Variants in FXN observed in about 807,000 individuals in gnomAD.
The protein encoded by FXN is frataxin, mitochondrial.
Under a neutral mutation model 22.4 loss-of-function variants are expected in FXN, and 14 were observed. That is an observed-to-expected ratio of 0.62 (90% confidence interval 0.41 to 0.98). FXN has a LOEUF of 0.98. FXN is among the 50% of genes least tolerant of loss of function. The pLI, the probability that FXN is intolerant of heterozygous loss-of-function variation, is 0.00. For synonymous variants in FXN, 120 were observed against 114.1 expected (o/e 1.05, Z -0.33); for missense variants, 267 against 268.4 (o/e 0.99, Z 0.04).
chr9:69,072,769 G>A lies in FXN; in HGVS notation c.*7G>A, dbSNP rs1365366360. 47 of 1,613,974 alleles carry A rather than the reference G, an allele frequency of 2.9e-5. No homozygotes were observed. The highest frequency in any genetic ancestry group is 3.6e-5 in the Non-Finnish European group (43 of 1,180,032). On this transcript the variant is annotated 3_prime_UTR_variant, in exon 5 of 5. Transcript: ENST00000484259. Reference sequence around the variant, plus strand: ...TTCCGGAAAAGATGCTTGATGCCCAGCCCCGTTTTAAGGACATTAAAAGCT... The same window carrying A: ...TTCCGGAAAAGATGCTTGATGCCCAACCCCGTTTTAAGGACATTAAAAGCT...
intron 3 of FXN, among the ~76,000 whole-genome samples, chr9:69,058,257 A>C (rs898355190): frequency 6.6e-6 from 1 of 152,142 alleles, no homozygotes; most frequent in Non-Finnish European, 1.5e-5. Flanking sequence ...GGCACTGGTC[A>C]TTACAGAAGA....
intron 3 of FXN, among the ~76,000 whole-genome samples, chr9:69,055,496 C>CT (rs780057588): frequency 0.05 from 7,023 of 140,490 alleles, 291 homozygotes; most frequent in African/African-American, 0.12. Context: ...TCTTCTTCTT[C>CT]TTTTTTTTTT....
intron 3 of FXN, among the ~76,000 whole-genome samples, chr9:69,057,310 G>A (rs1162273949): frequency 2.6e-5 from 4 of 152,252 alleles, no homozygotes; most frequent in East Asian, 1.9e-4. Flanking sequence ...TGAACCAGGC[G>A]ACAAAACCTT....
At chr9:69,037,781 T>G (rs1049881076) in intron 1 of FXN, among the ~76,000 whole-genome samples, 3 of 152,194 alleles carry the variant, frequency 2.0e-5, no homozygotes, top group Admixed American at 1.3e-4. Flanking sequence ...CAAGTGATTC[T>G]CCTGCCTCAG....
At chr9:69,059,457 TGGCAC>T (rs1405513511) in intron 3 of FXN, among the ~76,000 whole-genome samples, 2 of 131,566 alleles carry the variant, frequency 1.5e-5, no homozygotes, top group Non-Finnish European at 3.1e-5. Context: ...TGGAGTGCAG[TGGCAC>T]GATCTCAGCT....
intron 3 of FXN, among the ~76,000 whole-genome samples, chr9:69,054,530 G>T (rs1219182867): frequency 6.6e-6 from 1 of 151,880 alleles, no homozygotes; most frequent in Non-Finnish European, 1.5e-5. Context: ...TTTGTTTTTT[G>T]AGACAGAGTC....
In FXN at chr9:69,075,488, T is replaced by G; in HGVS notation, c.*2726T>G. On this transcript the variant is annotated 3_prime_UTR_variant, in exon 5 of 5. Transcript: ENST00000484259. ...TAAATAAATAAATAAATAAAGGGAC[T>G]TCAAACACATGAACAGCAGCCAGGG... 1 of 974,436 alleles carries G rather than the reference T, an allele frequency of 1.0e-6. No homozygotes were observed. Among genetic ancestry groups the G allele is most frequent in the Non-Finnish European group, 1.2e-6 (1 of 825,804 alleles). The allele number at this position is 974,436 out of a possible 1,614,324, so 60.4% of individuals were successfully genotyped here.
chr9:69,038,298 CT>C lies in FXN; in HGVS notation c.165+2352del, dbSNP rs1831598763. On this transcript the variant is annotated intron_variant, in intron 1 of 4. Coordinates refer to ENST00000484259, the MANE Select transcript of FXN (RefSeq NM_000144.5). The stretch of plus-strand genomic sequence containing the variant: ...GTCCTGGATTGACCCTAAGCTCCCC[CT>C]GGTCTCCAAAATTCATCAGAAACTG... 2.0e-5 allele frequency among the ~76,000 whole-genome samples: 3 copies of C among 152,310 alleles called. 1 individual carries two copies. Among genetic ancestry groups the C allele is most frequent in the South Asian group, 4.1e-4 (2 of 4,824 alleles).
At chr9:69,049,535 T>G (rs759106727) in intron 2 of FXN, among the ~76,000 whole-genome samples, 23 of 152,150 alleles carry the variant, frequency 1.5e-4, no homozygotes, top group Non-Finnish European at 2.8e-4. Flanking sequence ...CCTGGAAACT[T>G]TCAGATAGTG....
chr9:69,048,354 T>G (rs1831796523), intron 2 of FXN, among the ~76,000 whole-genome samples: 1 of 152,136 alleles, frequency 6.6e-6, no homozygotes, highest in South Asian at 2.1e-4. Context: ...CCTGTCATCC[T>G]AGCTCTTTGG....
At chr9:69,068,535 C>T (rs567861737) in intron 4 of FXN, among the ~76,000 whole-genome samples, 1 of 152,352 alleles carries the variant, frequency 6.6e-6, no homozygotes, top group South Asian at 2.1e-4. Flanking sequence ...CTGGCCGCCA[C>T]GACATGCCAA....
chr9:69,063,621 C>G (rs1832115391), intron 3 of FXN, among the ~76,000 whole-genome samples: 1 of 152,086 alleles, frequency 6.6e-6, no homozygotes. Context: ...CCATTCCTAT[C>G]AGTTATATTA....
chr9:69,042,798 G>A (rs902007361), intron 1 of FXN, among the ~76,000 whole-genome samples: 7 of 152,146 alleles, frequency 4.6e-5, no homozygotes, highest in African/African-American at 1.7e-4. Context: ...TCCCTGAGGT[G>A]AGCCCCACAT....
chr9:69,052,023 T>A (rs765624130), intron 2 of FXN, among the ~76,000 whole-genome samples: 4 of 152,108 alleles, frequency 2.6e-5, no homozygotes, highest in Admixed American at 6.5e-5. Context: ...AATTTTTGTA[T>A]TTTTAGTAGA....
In FXN at chr9:69,076,448, A is replaced by G. The variant is rs1832371125; in HGVS notation, c.*3686A>G. 1.0e-6 allele frequency: 1 copy of G among 985,320 alleles called. No individual in the cohort carries two copies. Among genetic ancestry groups the G allele is most frequent in the Non-Finnish European group, 1.2e-6 (1 of 829,922 alleles). The allele number at this position is 985,320 out of a possible 1,614,324, so 61.0% of individuals were successfully genotyped here. On this transcript the variant is annotated 3_prime_UTR_variant, in exon 5 of 5. Coordinates refer to ENST00000484259, the MANE Select transcript of FXN (RefSeq NM_000144.5). Reference sequence around the variant, plus strand: ...CTCAGTTTACTTAACTTCGTATTAGATTCTGATTCCCTGGAACCATTTATC... The same window carrying G: ...CTCAGTTTACTTAACTTCGTATTAGGTTCTGATTCCCTGGAACCATTTATC...
rs115239857 is a variant in FXN at position 69,063,484 on chromosome 9, C to T, written c.385-1454C>T. ...ACACCAAGCCTGGCACAGTAGGAACCGAGTAAATAGTGGTTAATATTTTTA... is the reference window on the plus strand; with the variant it reads ...ACACCAAGCCTGGCACAGTAGGAACTGAGTAAATAGTGGTTAATATTTTTA... On this transcript the variant is annotated intron_variant, in intron 3 of 4. Transcript: ENST00000484259. 3.2e-3 allele frequency among the ~76,000 whole-genome samples: 490 copies of T among 152,170 alleles called. 2 individuals are homozygous for T. Among genetic ancestry groups the T allele is most frequent in the African/African-American group, 0.011 (477 of 41,482 alleles).
At chr9:69,058,852 A>C (rs981687427) in intron 3 of FXN, among the ~76,000 whole-genome samples, 2 of 152,120 alleles carry the variant, frequency 1.3e-5, no homozygotes, top group Admixed American at 1.3e-4. Flanking sequence ...GCAGATCATG[A>C]GGTCAGGAGA....
chr9:69,053,044 C>A, intron 2 of FXN, 96 bp from the exon 3 acceptor site: 7 of 1,235,704 alleles, frequency 5.7e-6, no homozygotes, highest in East Asian at 2.8e-5. Flanking sequence ...TTATTTTCAT[C>A]AATTTAATGA....
At position 69,073,063 on chromosome 9, in the gene FXN, A is replaced by T. The variant is rs1832303127; in HGVS notation, c.*301A>T. 8.1e-7 allele frequency: 1 copy of T among 1,231,420 alleles called. No individual in the cohort carries two copies. The highest frequency in any genetic ancestry group is 1.0e-6 in the Non-Finnish European group (1 of 981,906). The allele number at this position is 1,231,420 out of a possible 1,614,324, so 76.3% of individuals were successfully genotyped here. A position where few individuals can be genotyped will look rare whatever the true frequency, so the allele number is the denominator to read the frequency against. The stretch of plus-strand genomic sequence containing the variant: ...TACCTGAATATAACAACCTTTAAAA[A>T]AGCAAAATAATAAGAAGGAAAAATT... On this transcript the variant is annotated 3_prime_UTR_variant, in exon 5 of 5. Coordinates refer to ENST00000484259, the MANE Select transcript of FXN (RefSeq NM_000144.5).
Sources: gnomAD v4.1 joint callset for allele counts (sites outside exome capture counted in the v4.1 genomes callset) on GRCh38, gnomAD v4.1.1 for gene constraint, MANE v1.5 for transcripts, NCBI Gene and HGNC (gene_info 2026-07-23, HGNC 2026-07-21) for gene names.